Variants in SNX29 observed in about 807,000 individuals in gnomAD.
The protein encoded by SNX29 is sorting nexin-29.
In SNX29, 78 loss-of-function variants were observed where a neutral mutation model predicts 102.1. The ratio of observed to expected loss-of-function variants is 0.76; its 90% confidence interval spans 0.64 to 0.92. The LOEUF (loss-of-function observed/expected upper bound fraction) is 0.92, where lower values mean the gene tolerates loss of function less well. Ranked by LOEUF, SNX29 falls within the 40% of genes least tolerant of loss-of-function variation. The pLI, the probability that SNX29 is intolerant of heterozygous loss-of-function variation, is 0.00. For missense variants in SNX29, 1,280 were observed against 1,061.7 expected, an observed-to-expected ratio of 1.21 and a Z score of -2.86; for synonymous variants, 580 against 414.5, an observed-to-expected ratio of 1.40 and a Z score of -4.85.
At chr16:12,219,031 C>T (rs1490899489) in intron 14 of SNX29, among the ~76,000 whole-genome samples, 3 of 152,144 alleles carry the variant, frequency 2.0e-5, no homozygotes, top group Non-Finnish European at 4.4e-5. Flanking sequence ...GCCTTGGCCT[C>T]CCAAAGTGCT....
At chr16:12,417,152 C>G (rs2084670644) in intron 18 of SNX29, among the ~76,000 whole-genome samples, 1 of 152,236 alleles carries the variant, frequency 6.6e-6, no homozygotes, top group African/African-American at 2.4e-5. Context: ...GGTTTGCATT[C>G]TACTCCATAA....
intron 20 of SNX29, chr16:12,527,022 G>A: frequency 2.5e-6 from 1 of 399,794 alleles, no homozygotes; most frequent in South Asian, 2.6e-5. Flanking sequence ...GGAGACTGTG[G>A]CAAATGACAC....
intron 19 of SNX29, among the ~76,000 whole-genome samples, chr16:12,479,897 T>C (rs577753726): frequency 3.9e-5 from 6 of 152,254 alleles, no homozygotes; most frequent in African/African-American, 1.4e-4. Context: ...GGAAAACTCT[T>C]AGGTTGTGGC....
chr16:12,296,270 G>A (rs935791598), intron 15 of SNX29, among the ~76,000 whole-genome samples: 1 of 152,196 alleles, frequency 6.6e-6, no homozygotes, highest in Non-Finnish European at 1.5e-5. Flanking sequence ...AAGCAAAGTG[G>A]TGGTCAATTT....
chr16:12,363,123 C>T (rs952764584), intron 16 of SNX29, among the ~76,000 whole-genome samples: 2 of 152,184 alleles, frequency 1.3e-5, no homozygotes, highest in Admixed American at 6.5e-5. Flanking sequence ...GCAAGTAAAA[C>T]GGTCACTAAG....
intron 18 of SNX29, among the ~76,000 whole-genome samples, chr16:12,451,868 TA>T (rs1327313681): frequency 1.3e-5 from 2 of 152,120 alleles, no homozygotes; most frequent in African/African-American, 4.8e-5. Flanking sequence ...CATCTAAAAA[TA>T]AATAAACAAA....
intron 8 of SNX29, among the ~76,000 whole-genome samples, chr16:12,056,372 C>G (rs776454510): frequency 1.4e-4 from 22 of 152,206 alleles, no homozygotes; most frequent in Non-Finnish European, 3.1e-4. Flanking sequence ...CCTGCAGACT[C>G]TGGACAGCTC....
intron 13 of SNX29, among the ~76,000 whole-genome samples, chr16:12,173,602 A>G (rs575054646): frequency 6.6e-6 from 1 of 152,270 alleles, no homozygotes; most frequent in South Asian, 2.1e-4. Context: ...CGTCCCAATC[A>G]GGAGAAGCTT....
At chr16:12,151,019 A>C (rs2141586528) in intron 13 of SNX29, among the ~76,000 whole-genome samples, 1 of 152,282 alleles carries the variant, frequency 6.6e-6, no homozygotes, top group Middle Eastern at 3.4e-3. Context: ...ACAGAGTCAA[A>C]ATGTTAATAT....
intron 20 of SNX29, among the ~76,000 whole-genome samples, chr16:12,568,192 G>T (rs1192171049): frequency 2.0e-5 from 3 of 151,708 alleles, no homozygotes; most frequent in African/African-American, 7.3e-5. Context: ...ATGTGGGGAA[G>T]AAAGCTGTGC....
chr16:12,345,487 T>C (rs910107117), intron 15 of SNX29, among the ~76,000 whole-genome samples: 6 of 152,220 alleles, frequency 3.9e-5, no homozygotes, highest in African/African-American at 1.4e-4. Context: ...CTCACCGAAC[T>C]CAGATATCAT....
rs184657614 is a variant in SNX29, at chr16:12,565,126, C to T, written c.2319-3380C>T. On this transcript the variant is annotated intron_variant, in intron 20 of 20. Coordinates refer to ENST00000566228, the MANE Select transcript of SNX29 (RefSeq NM_032167.5). Reference sequence around the variant, plus strand: ...TGAGTACTGGCCCTAGTCTCTTATCCACATTAGCCCCCACTTCCTTTGCCA... The same window carrying T: ...TGAGTACTGGCCCTAGTCTCTTATCTACATTAGCCCCCACTTCCTTTGCCA... 2.1e-3 allele frequency among the ~76,000 whole-genome samples: 288 copies of T among 138,978 alleles called. 4 individuals carry two copies. Among genetic ancestry groups the T allele is most frequent in the South Asian group, 0.017 (74 of 4,428 alleles). The allele number at this position is 138,978 out of a possible 152,430, so 91.2% of individuals were successfully genotyped here. A position where few individuals can be genotyped will look rare whatever the true frequency, so the allele number is the denominator to read the frequency against.
At chr16:12,017,315 G>C (rs905833131) in intron 3 of SNX29, among the ~76,000 whole-genome samples, 4 of 152,170 alleles carry the variant, frequency 2.6e-5, no homozygotes, top group African/African-American at 9.7e-5. Context: ...GTGAGATTGA[G>C]TATCTTTTCT....
At chr16:12,547,156 G>C (rs1274510337) in intron 20 of SNX29, among the ~76,000 whole-genome samples, 1 of 152,232 alleles carries the variant, frequency 6.6e-6, no homozygotes, top group African/African-American at 2.4e-5. Context: ...AAGCCTGCTG[G>C]GGATGTGCTG....
chr16:12,017,458 A>C (rs896786167), intron 3 of SNX29, among the ~76,000 whole-genome samples: 1 of 151,970 alleles, frequency 6.6e-6, no homozygotes, highest in African/African-American at 2.4e-5. Flanking sequence ...TTTTTCAGCT[A>C]TATGTTCTGT....
In SNX29 at chr16:12,568,513, A is replaced by G; in HGVS notation, c.2326A>G (p.Thr776Ala). Reference protein sequence around the residue: ...IQLMPFFVDITPPGEPVNSRP... With the variant: ...IQLMPFFVDIAPPGEPVNSRP... ...CTCTCCCTGCTCTTTCAGCGACATC[A>G]CCCCGCCCGGAGAGCCTGTGAACAG... The change falls in exon 21 of 21, where the codon ACC becomes GCC. Residue 776 changes from threonine (T) to alanine (A), a missense_variant. Transcript: ENST00000566228. 6.2e-7 allele frequency: 1 copy of G among 1,609,002 alleles called. No homozygotes were observed. The highest frequency in any genetic ancestry group is 1.1e-5 in the South Asian group (1 of 91,036).
intron 14 of SNX29, 90 bp downstream of exon 14, chr16:12,199,773 G>C (rs1443772195): frequency 9.5e-7 from 1 of 1,054,506 alleles, no homozygotes; most frequent in African/African-American, 1.6e-5. Context: ...AATGTGTGAC[G>C]AGTGCATATG....
At position 12,572,534 on chromosome 16, in the gene SNX29, GGGCTGCGACACCATCT is replaced by G. The variant is rs1318319990; in HGVS notation, c.*3910_*3925del. Reference sequence around the variant, plus strand: ...CTCCACGTGCTCAAGCCCCCACAGGGGGCTGCGACACCATCTGGCTCCTCACAGGGAGGTCCAGCCA... The same window carrying G: ...CTCCACGTGCTCAAGCCCCCACAGGGGGCTCCTCACAGGGAGGTCCAGCCA... On this transcript the variant is annotated 3_prime_UTR_variant, in exon 21 of 21. Transcript: ENST00000566228. The G allele has an allele frequency of 9.4e-7, 1 of 1,063,216 alleles. No individual in the cohort carries two copies. Among genetic ancestry groups the G allele is most frequent in the Non-Finnish European group, 1.1e-6 (1 of 878,018 alleles). 65.9% of individuals were successfully genotyped at this position (1,063,216 alleles called of 1,614,324 possible). A position where few individuals can be genotyped will look rare whatever the true frequency, so the allele number is the denominator to read the frequency against.
chr16:12,087,593 C>G (rs1291588728), intron 11 of SNX29: 17 of 344,894 alleles, frequency 4.9e-5, no homozygotes, highest in Admixed American at 1.2e-4. Flanking sequence ...CAAGACCTGC[C>G]TCTTAAACAT....
Sources: gnomAD v4.1 joint callset for allele counts (sites outside exome capture counted in the v4.1 genomes callset) on GRCh38, gnomAD v4.1.1 for gene constraint, MANE v1.5 for transcripts, NCBI Gene and HGNC (gene_info 2026-07-23, HGNC 2026-07-21) for gene names.